The following AHCY variants were observed in gnomAD, a reference collection of about 807,000 sequenced individuals.
The protein encoded by AHCY is adenosylhomocysteinase, also known as S-adenosyl-L-homocysteine hydrolase.
AHCY carries 24 observed loss-of-function variants against 45.4 expected under a neutral mutation model. The observed-to-expected ratio is 0.53, with a 90% CI of 0.38 to 0.74. The LOEUF (loss-of-function observed/expected upper bound fraction) is 0.74. Ranked by LOEUF, AHCY falls within the 30% of genes least tolerant of loss-of-function variation. The probability of loss-of-function intolerance (pLI) is 0.00; values close to 1 mark genes in which losing one functional copy is unlikely to be tolerated. For missense variants in AHCY, 449 were observed against 594.1 expected (o/e 0.76, Z 2.54); for synonymous variants, 245 against 235.1 (o/e 1.04, Z -0.39).
At chr20:34,260,453 G>A in the AHCY span, 1 of 1,614,148 alleles carries the variant, frequency 6.2e-7, no homozygotes, top group Non-Finnish European at 8.5e-7. Flanking sequence ...CCTGCCACCT[G>A]AGGAGAAGCT....
the AHCY span, among the ~76,000 whole-genome samples, chr20:34,270,255 A>C: frequency 2.0e-5 from 3 of 152,178 alleles, no homozygotes; most frequent in African/African-American, 7.2e-5. Flanking sequence ...CTGGTTAAAA[A>C]AAAAAAAAAG....
At chr20:34,296,796 A>G (rs1005194699) in intron 1 of AHCY, among the ~76,000 whole-genome samples, 10 of 152,244 alleles carry the variant, frequency 6.6e-5, no homozygotes, top group Non-Finnish European at 1.5e-4. Flanking sequence ...CCAAAGAGGT[A>G]GGCGGTGGGA....
chr20:34,244,739 G>T, the AHCY span, among the ~76,000 whole-genome samples: 58 of 152,252 alleles, frequency 3.8e-4, no homozygotes, highest in Non-Finnish European at 7.8e-4. Context: ...CACATTCATG[G>T]TTTTAAGGCT....
At chr20:34,262,871 CAGAAA>C in the AHCY span, 2 of 1,613,980 alleles carry the variant, frequency 1.2e-6, no homozygotes, top group Non-Finnish European at 8.5e-7. Flanking sequence ...AGAAAAGCAG[CAGAAA>C]AGAAAAGATC....
chr20:34,265,904 C>T, the AHCY span, among the ~76,000 whole-genome samples: 3 of 150,664 alleles, frequency 2.0e-5, no homozygotes, highest in Non-Finnish European at 3.0e-5. Context: ...GAGCCAAGAT[C>T]ACACCACTGC....
downstream of AHCY, among the ~76,000 whole-genome samples, chr20:34,278,406 C>T (rs1279134254): frequency 2.0e-5 from 3 of 152,174 alleles, no homozygotes; most frequent in Admixed American, 6.5e-5. Flanking sequence ...AGGGAGCATG[C>T]GCACACACAG....
chr20:34,269,056 C>T, the AHCY span: 14 of 1,600,714 alleles, frequency 8.7e-6, no homozygotes, highest in South Asian at 1.6e-4. Flanking sequence ...GCGTGGCCAC[C>T]CGCAACAGCT....
At chr20:34,258,772 A>AC in the AHCY span, among the ~76,000 whole-genome samples, 2 of 99,178 alleles carry the variant, frequency 2.0e-5, no homozygotes, top group African/African-American at 7.8e-5. Flanking sequence ...TATATATAAT[A>AC]TATATAGTAT....
intron 9 of AHCY, chr20:34,281,775 T>G: frequency 6.0e-6 from 1 of 166,368 alleles, no homozygotes; most frequent in Non-Finnish European, 1.3e-5. Flanking sequence ...TTCAAGTGAT[T>G]CTCCTGCCTC....
downstream of AHCY, among the ~76,000 whole-genome samples, chr20:34,279,421 GAAA>G (rs753050895): frequency 7.7e-6 from 1 of 129,536 alleles, no homozygotes; most frequent in Non-Finnish European, 1.6e-5. Flanking sequence ...AGACTGTCTA[GAAA>G]AAAAAAAAAA....
Position 34,290,911 on chromosome 20 carries a change from G to T in AHCY, c.586C>A (p.Arg196=). 1 of 1,614,132 alleles carries T rather than the reference G, an allele frequency of 6.2e-7. No homozygotes were observed. Among genetic ancestry groups the T allele is most frequent in the Non-Finnish European group, 8.5e-7 (1 of 1,180,028 alleles). ...KSKFDNLYGC[R]ESLIDGIKRA... ...TTGATGCCATCTATGAGGGACTCCC[G>T]GCAGCCATAGAGGTTGTCAAACTTG... The change falls in exon 6 of 10, where the codon CGG becomes AGG. Residue 196 remains arginine (R), a synonymous_variant. Transcript: ENST00000217426. The surrounding 1 kb of genome is among the most constrained non-coding windows in gnomAD (Gnocchi z 4.5).
the AHCY span, among the ~76,000 whole-genome samples, chr20:34,261,610 A>G: frequency 0.95 from 144,987 of 151,980 alleles, 69,255 homozygotes; most frequent in East Asian, 1. Flanking sequence ...CTCCAGCCTG[A>G]GTGACAGAGT....
At chr20:34,279,225 T>G (rs1394358244), downstream of AHCY, among the ~76,000 whole-genome samples, 4 of 149,134 alleles carry the variant, frequency 2.7e-5, no homozygotes, top group Admixed American at 2.0e-4. Flanking sequence ...CCATCCTGGC[T>G]AACATGGTGA....
chr20:34,236,032 GAGAA>G, the AHCY span, among the ~76,000 whole-genome samples: 4 of 137,536 alleles, frequency 2.9e-5, no homozygotes, highest in Admixed American at 7.6e-5. Context: ...GAAGAAGAAA[GAGAA>G]AGAAACAGAA....
At chr20:34,270,835 T>G in the AHCY span, among the ~76,000 whole-genome samples, 2 of 152,190 alleles carry the variant, frequency 1.3e-5, no homozygotes, top group Non-Finnish European at 2.9e-5. Context: ...GTTTTGGTTT[T>G]TCTTTAGAGA....
At chr20:34,246,219 T>G in the AHCY span, 1 of 1,485,452 alleles carries the variant, frequency 6.7e-7, no homozygotes. Flanking sequence ...GGTATGGTCT[T>G]CTTTTTTTGT....
At chr20:34,274,818 G>C in the AHCY span, among the ~76,000 whole-genome samples, 1 of 152,154 alleles carries the variant, frequency 6.6e-6, no homozygotes, top group East Asian at 1.9e-4. Context: ...GCCAGGTGTG[G>C]TGGCACGCGC....
downstream of AHCY, among the ~76,000 whole-genome samples, chr20:34,276,183 G>A (rs1027749800): frequency 5.3e-5 from 8 of 152,320 alleles, no homozygotes; most frequent in African/African-American, 1.9e-4. Context: ...TACACTTGGT[G>A]TGCACCAGCA....
At chr20:34,232,949 C>T in the AHCY span, among the ~76,000 whole-genome samples, 1 of 152,176 alleles carries the variant, frequency 6.6e-6, no homozygotes, top group Non-Finnish European at 1.5e-5. Context: ...AGAACATTAA[C>T]TGTTCCCTAC....
Sources: allele counts gnomAD v4.1 joint callset (sites outside exome capture counted in the v4.1 genomes callset), GRCh38; gene constraint gnomAD v4.1.1; non-coding constraint Gnocchi (gnomAD v3.1); transcripts MANE v1.5; gene names NCBI Gene and HGNC (gene_info 2026-07-23, HGNC 2026-07-21).